The following DNAH11 variants were observed in gnomAD, a reference collection of about 807,000 sequenced individuals.
The protein encoded by DNAH11 is dynein axonemal heavy chain 11.
A neutral mutation model predicts 526.0 loss-of-function variants in DNAH11; 442 were observed. That is an observed-to-expected ratio of 0.84 (90% CI 0.78 to 0.91). The LOEUF (loss-of-function observed/expected upper bound fraction) is 0.91. DNAH11 is among the 40% of genes least tolerant of loss of function. The pLI, the probability that DNAH11 is intolerant of heterozygous loss-of-function variation, is 0.00. For missense variants in DNAH11, 6,989 were observed against 5,448.7 expected (o/e 1.28, Z -8.90); for synonymous variants, 2,461 against 1,935.9 (o/e 1.27, Z -7.12).
intron 81 of DNAH11, among the ~76,000 whole-genome samples, chr7:21,900,688 G>A (rs1186610561): frequency 6.6e-6 from 1 of 152,198 alleles, no homozygotes. Context: ...GGGAGGAAAT[G>A]TGGTGAACTG....
chr7:21,772,991 G>A (rs1292584861), intron 55 of DNAH11, among the ~76,000 whole-genome samples: 1 of 152,186 alleles, frequency 6.6e-6, no homozygotes, highest in Non-Finnish European at 1.5e-5. Flanking sequence ...AAGAGTTGGT[G>A]TAGCTCATTT....
intron 62 of DNAH11, 135 bp downstream of exon 62, chr7:21,801,410 T>C: frequency 1.6e-6 from 2 of 1,232,448 alleles, no homozygotes; most frequent in Non-Finnish European, 2.2e-6. Context: ...TCACTCATCC[T>C]GTGGCTCTAA....
chr7:21,798,131 C>A (rs1788799657), intron 61 of DNAH11, among the ~76,000 whole-genome samples: 1 of 152,206 alleles, frequency 6.6e-6, no homozygotes. Context: ...CAGTGTCATT[C>A]CGTCACCCAG....
At chr7:21,864,392 C>A in intron 69 of DNAH11, 143 bp from the exon 70 acceptor site, 1 of 582,568 alleles carries the variant, frequency 1.7e-6, no homozygotes, top group Non-Finnish European at 2.7e-6. Context: ...TTCCCTATTT[C>A]AACAGTAGAA....
At chr7:21,839,215 A>G (rs1291557503) in intron 65 of DNAH11, among the ~76,000 whole-genome samples, 2 of 152,152 alleles carry the variant, frequency 1.3e-5, no homozygotes, top group South Asian at 2.1e-4. Context: ...TGCCTATCAA[A>G]TTATAGAAAC....
chr7:21,751,578 A>T (rs1583658608), intron 54 of DNAH11, among the ~76,000 whole-genome samples: 1 of 152,252 alleles, frequency 6.6e-6, no homozygotes, highest in East Asian at 1.9e-4. Context: ...GTTGCTTCTC[A>T]TATTGTTATG....
intron 18 of DNAH11, among the ~76,000 whole-genome samples, chr7:21,605,910 G>T (rs568367465): frequency 1.3e-5 from 2 of 152,306 alleles, no homozygotes; most frequent in South Asian, 4.2e-4. Context: ...TCTGAACCCA[G>T]CAGTGCCAGT....
chr7:21,763,858 A>T (rs1197794647), intron 54 of DNAH11, among the ~76,000 whole-genome samples: 1 of 151,124 alleles, frequency 6.6e-6, no homozygotes, highest in East Asian at 1.9e-4. Flanking sequence ...GAATATTTTC[A>T]TCTATAAAAC....
At position 21,750,351 on chromosome 7, in the gene DNAH11, G is replaced by C. The variant is rs370466246; in HGVS notation, c.8927G>C (p.Arg2976Pro). The change falls in exon 54 of 82, where the codon CGA becomes CCA. Residue 2976 changes from arginine (R) to proline (P), a missense_variant. Arg to Pro is a moderately radical substitution (Grantham distance 103, BLOSUM62 -2). Transcript: ENST00000409508. Reference protein sequence around the residue: ...NCWKFFMARVRLQLKIILCFS... With the variant: ...NCWKFFMARVPLQLKIILCFS... ...TGGAAATTCTTTATGGCCAGGGTGC[G>C]ACTACAGCTCAAAGTAAGAAATACT... 6.2e-7 allele frequency: 1 copy of C among 1,603,584 alleles called. No homozygotes were observed. The highest frequency in any genetic ancestry group is 1.1e-5 in the South Asian group (1 of 88,684).
intron 24 of DNAH11, 148 bp from the exon 25 acceptor site, chr7:21,619,808 T>C: frequency 1.5e-6 from 1 of 688,550 alleles, no homozygotes; most frequent in South Asian, 2.0e-5. Context: ...CCCATTAGCA[T>C]GAATTACTTG....
intron 54 of DNAH11, among the ~76,000 whole-genome samples, chr7:21,761,799 A>G (rs1225846307): frequency 2.0e-5 from 3 of 152,312 alleles, no homozygotes; most frequent in South Asian, 4.2e-4. Flanking sequence ...TTCAATCATA[A>G]AATTGTAGAA....
chr7:21,569,099 G>C (rs73682623), intron 6 of DNAH11, among the ~76,000 whole-genome samples: 1 of 152,134 alleles, frequency 6.6e-6, no homozygotes, highest in Admixed American at 6.6e-5. Context: ...CAAATTCATG[G>C]CACAGAGCCT....
intron 74 of DNAH11, among the ~76,000 whole-genome samples, chr7:21,878,301 C>G (rs1337996726): frequency 6.6e-6 from 1 of 152,066 alleles, no homozygotes; most frequent in Admixed American, 6.5e-5. Context: ...AGGATAAAGC[C>G]AAGTCATTTA....
chr7:21,896,968 A>G (rs1784537067), intron 79 of DNAH11, among the ~76,000 whole-genome samples: 1 of 152,100 alleles, frequency 6.6e-6, no homozygotes, highest in Non-Finnish European at 1.5e-5. Flanking sequence ...CTAGCTACTC[A>G]AGGTGTAGAG....
At chr7:21,644,531 G>A (rs1192259696) in intron 28 of DNAH11, among the ~76,000 whole-genome samples, 1 of 152,196 alleles carries the variant, frequency 6.6e-6, no homozygotes, top group African/African-American at 2.4e-5. Flanking sequence ...GAAGTAGAAA[G>A]CTGGAAAGAT....
In DNAH11 at chr7:21,739,754, C is replaced by T. The variant is rs188996063; in HGVS notation, c.7914+81C>T. On this transcript the variant is annotated intron_variant, in intron 48 of 81. Transcript: ENST00000409508. ...AGTACAGCTTAGGATTCCTATGGGA[C>T]ATCTTGTTAAGCACGTTTCTCATGG... The T allele has an allele frequency of 9.2e-4, 994 of 1,083,020 alleles. 5 individuals carry two copies. Among genetic ancestry groups the T allele is most frequent in the Middle Eastern group, 8.0e-3 (39 of 4,896 alleles). The allele number at this position is 1,083,020 out of a possible 1,614,324, so 67.1% of individuals were successfully genotyped here. A position where few individuals can be genotyped will look rare whatever the true frequency, so the allele number is the denominator to read the frequency against.
rs1030334401 is a variant in DNAH11 at position 21,786,508 on chromosome 7, A to G, written c.9598-116A>G. 3.8e-6 allele frequency: 5 copies of G among 1,332,170 alleles called. 1 individual carries two copies. In the Admixed American group the frequency reaches 7.5e-5, roughly 20 times the overall value. 82.5% of individuals were successfully genotyped at this position (1,332,170 alleles called of 1,614,324 possible). A position where few individuals can be genotyped will look rare whatever the true frequency, so the allele number is the denominator to read the frequency against. ...GGTGGCAAAGAATTGCCAAATTGAG[A>G]CTGGTTTGATAAGGAGAAGTGGGAG... On this transcript the variant is annotated intron_variant, in intron 58 of 81. Transcript: ENST00000409508.
chr7:21,825,895 C>G (rs1316305205), intron 65 of DNAH11, among the ~76,000 whole-genome samples: 1 of 150,932 alleles, frequency 6.6e-6, no homozygotes, highest in East Asian at 1.9e-4. Flanking sequence ...GGAGGTGGAG[C>G]TCGCAGTGAG....
chr7:21,725,826 G>C lies in DNAH11; in HGVS notation c.7282G>C (p.Ala2428Pro), dbSNP rs1342063209. 6.2e-7 allele frequency: 1 copy of C among 1,611,328 alleles called. No individual in the cohort carries two copies. Among genetic ancestry groups the C allele is most frequent in the Non-Finnish European group, 8.5e-7 (1 of 1,178,686 alleles). Reference protein sequence around the residue: ...LLQDQISDYQADFSRWWQKEM... With the variant: ...LLQDQISDYQPDFSRWWQKEM... ...TTCTCCTTAGATTTCTGATTATCAA[G>C]CTGACTTCAGTCGGTGGTGGCAGAA... Residue 2428 changes from alanine to proline, a missense_variant, in exon 45 of 82, where the codon GCT becomes CCT. Physicochemically the swap from Ala to Pro is conservative, Grantham distance 27. Transcript: ENST00000409508.
Sources: allele counts gnomAD v4.1 joint callset (sites outside exome capture counted in the v4.1 genomes callset), GRCh38; gene constraint gnomAD v4.1.1; transcripts MANE v1.5; gene names NCBI Gene and HGNC (gene_info 2026-07-23, HGNC 2026-07-21).